CAMTA1: variants seen among roughly 807,000 people sequenced by gnomAD.
CAMTA1 encodes the protein calmodulin binding transcription activator 1, also known as calmodulin-binding transcription activator 1.
CAMTA1 carries 27 observed loss-of-function variants against 170.9 expected under a neutral mutation model. That is an observed-to-expected ratio of 0.16 (90% CI 0.12 to 0.22). The LOEUF (loss-of-function observed/expected upper bound fraction) is 0.22, where lower values mean the gene tolerates loss of function less well. Among genes scored for constraint, CAMTA1 ranks in the 10% least tolerant of loss-of-function variants. The pLI is 1.00. For synonymous variants in CAMTA1, 833 were observed against 891.5 expected (o/e 0.93, Z 1.17); for missense variants, 1,619 against 2,217.2 (o/e 0.73, Z 5.42).
intron 4 of CAMTA1, among the ~76,000 whole-genome samples, chr1:7,242,952 A>C (rs1665146344): frequency 6.6e-6 from 1 of 151,828 alleles, no homozygotes; most frequent in Non-Finnish European, 1.5e-5. Flanking sequence ...ACAAAGCAAG[A>C]CTCCATCTCA....
At chr1:6,818,721 C>G (rs768378879) in intron 1 of CAMTA1, among the ~76,000 whole-genome samples, 7 of 152,142 alleles carry the variant, frequency 4.6e-5, no homozygotes, top group Non-Finnish European at 5.9e-5. Context: ...TCACTGCAGC[C>G]TCAACTTCCC....
At chr1:6,802,011 G>A (rs1643904216) in intron 1 of CAMTA1, among the ~76,000 whole-genome samples, 1 of 152,176 alleles carries the variant, frequency 6.6e-6, no homozygotes, top group Non-Finnish European at 1.5e-5. Flanking sequence ...TAAGCAGGCC[G>A]TGCTTTAGAT....
chr1:7,605,485 T>C (rs1270729229), intron 6 of CAMTA1, among the ~76,000 whole-genome samples: 3 of 151,534 alleles, frequency 2.0e-5, no homozygotes, highest in South Asian at 2.1e-4. Context: ...CTCTGAGCCA[T>C]GTGTGGGATA....
At chr1:7,056,786 A>C (rs982973056) in intron 3 of CAMTA1, among the ~76,000 whole-genome samples, 2 of 152,098 alleles carry the variant, frequency 1.3e-5, no homozygotes, top group African/African-American at 4.8e-5. Flanking sequence ...GAAAGTACCG[A>C]AGCTTGTGAT....
chr1:6,833,460 G>T (rs889481860), intron 3 of CAMTA1, among the ~76,000 whole-genome samples: 3 of 152,084 alleles, frequency 2.0e-5, no homozygotes, highest in African/African-American at 7.2e-5. Context: ...ATATTAACAG[G>T]GTTAGTTAAA....
chr1:6,844,895 C>T (rs1050724636), intron 3 of CAMTA1, among the ~76,000 whole-genome samples: 3 of 151,920 alleles, frequency 2.0e-5, no homozygotes, highest in Non-Finnish European at 4.4e-5. Context: ...ATAAGTAACT[C>T]GTGGATATCA....
intron 3 of CAMTA1, among the ~76,000 whole-genome samples, chr1:6,967,611 G>A (rs1691787186): frequency 6.6e-6 from 1 of 152,186 alleles, no homozygotes; most frequent in Non-Finnish European, 1.5e-5. Flanking sequence ...TGGTGGCCAC[G>A]TGTTCCTGCC....
chr1:7,689,449 G>A (rs1105481), intron 11 of CAMTA1, among the ~76,000 whole-genome samples: 68,740 of 147,390 alleles, frequency 0.47, 15,184 homozygotes, highest in East Asian at 0.61. Context: ...TGGCACAGGT[G>A]GCACCTGTGG....
At chr1:6,889,213 A>AT (rs887399193) in intron 3 of CAMTA1, among the ~76,000 whole-genome samples, 1 of 152,206 alleles carries the variant, frequency 6.6e-6, no homozygotes, top group Non-Finnish European at 1.5e-5. Flanking sequence ...GTCATGATGC[A>AT]TTTTTTATTC....
chr1:7,655,023 TAC>T (rs2095876899), intron 7 of CAMTA1, among the ~76,000 whole-genome samples: 2 of 73,294 alleles, frequency 2.7e-5, no homozygotes, highest in African/African-American at 1.1e-4. Flanking sequence ...CACCCCTATA[TAC>T]ACAAACACAC....
chr1:7,284,144 C>CTTT (rs1557437826), intron 5 of CAMTA1, among the ~76,000 whole-genome samples: 1 of 101,146 alleles, frequency 9.9e-6, no homozygotes, highest in Admixed American at 1.1e-4. Flanking sequence ...TCTTCTTCTT[C>CTTT]TTCTTCTTCT....
intron 6 of CAMTA1, among the ~76,000 whole-genome samples, chr1:7,493,126 A>T (rs1490941857): frequency 7.3e-6 from 1 of 136,826 alleles, no homozygotes; most frequent in Non-Finnish European, 1.5e-5. Context: ...ACGCGCACAC[A>T]CAGACATACA....
At chr1:7,374,062 C>G (rs1038323611) in intron 5 of CAMTA1, among the ~76,000 whole-genome samples, 7 of 152,204 alleles carry the variant, frequency 4.6e-5, no homozygotes, top group Non-Finnish European at 1.0e-4. Flanking sequence ...CCTGCCTCCC[C>G]GCCTCACTGG....
chr1:7,710,617 AAAAAAG>A (rs1421223209), intron 11 of CAMTA1, among the ~76,000 whole-genome samples: 1 of 151,696 alleles, frequency 6.6e-6, no homozygotes, highest in Non-Finnish European at 1.5e-5. Context: ...AAAAAAAAAA[AAAAAAG>A]AATTTATTGA....
chr1:7,684,318 G>A (rs2096240384), intron 11 of CAMTA1, among the ~76,000 whole-genome samples: 1 of 152,222 alleles, frequency 6.6e-6, no homozygotes, highest in Non-Finnish European at 1.5e-5. Flanking sequence ...TCCAGAGTGT[G>A]CATGACTATG....
chr1:7,001,297 C>T (rs1304471402), intron 3 of CAMTA1, among the ~76,000 whole-genome samples: 1 of 152,196 alleles, frequency 6.6e-6, no homozygotes, highest in East Asian at 1.9e-4. Flanking sequence ...GGACAATGCT[C>T]TCTACGTATT....
In CAMTA1 at chr1:7,565,382, G is replaced by A. The variant is rs1030100737; in HGVS notation, c.511-75018G>A. ...GGCAGAAGGCTGGTGAGGGCCCAGG[G>A]GAGCCTACTGGGACAGCTGACCCAG... On this transcript the variant is annotated intron_variant, in intron 6 of 22. Transcript: ENST00000303635. This position sits in a 1 kb window ranked among gnomAD's most constrained non-coding sequence, Gnocchi z 4.5. 6.6e-6 allele frequency among the ~76,000 whole-genome samples: 1 copy of A among 152,076 alleles called. No individual in the cohort carries two copies. Among genetic ancestry groups the A allele is most frequent in the African/African-American group, 2.4e-5 (1 of 41,400 alleles).
chr1:7,407,939 A>G (rs559613426), intron 5 of CAMTA1, among the ~76,000 whole-genome samples: 1 of 152,256 alleles, frequency 6.6e-6, no homozygotes, highest in East Asian at 1.9e-4. Context: ...AGCCCACTGG[A>G]GAGGACTTGT....
intron 6 of CAMTA1, among the ~76,000 whole-genome samples, chr1:7,537,895 G>A (rs2094567089): frequency 6.6e-6 from 1 of 152,212 alleles, no homozygotes; most frequent in East Asian, 1.9e-4. Flanking sequence ...AAACTGAGAA[G>A]GGAAAACCTG....
Sources: gnomAD v4.1 joint callset for allele counts (sites outside exome capture counted in the v4.1 genomes callset) on GRCh38, gnomAD v4.1.1 for gene constraint, Gnocchi (gnomAD v3.1) non-coding constraint, MANE v1.5 for transcripts, NCBI Gene and HGNC (gene_info 2026-07-23, HGNC 2026-07-21) for gene names.